Variants in AMN observed in about 807,000 individuals in gnomAD.
AMN encodes amnion associated transmembrane protein, also known as protein amnionless.
Under a neutral mutation model 49.1 loss-of-function variants are expected in AMN, and 40 were observed. The ratio of observed to expected loss-of-function variants is 0.81; its 90% confidence interval spans 0.63 to 1.06. The LOEUF (loss-of-function observed/expected upper bound fraction) is 1.06. Among genes scored for constraint, AMN ranks in the 50% least tolerant of loss-of-function variants. The pLI is 0.00. For synonymous variants in AMN, 380 were observed against 313.3 expected (o/e 1.21, Z -2.25); for missense variants, 701 against 662.8 (o/e 1.06, Z -0.63).
Position 102,930,049 on chromosome 14 carries a change from G to A in AMN, c.969G>A (p.Arg323=), listed in dbSNP as rs899760936. ...GGCCCGAGACAGGCGGAGCGGGGCG[G>A]CTGGCCCGGGCCCTCCTGGCGGACG... is the stretch of plus-strand genomic sequence containing the variant. ...ENGPETGGAG[R]LARALLADVA... Residue 323 remains arginine (R), a synonymous_variant, in exon 9 of 12, where the codon CGG becomes CGA. Transcript: ENST00000299155. 9 of 1,546,832 alleles carry A rather than the reference G, an allele frequency of 5.8e-6. No homozygotes were observed. In the Admixed American group the frequency reaches 7.8e-5, roughly 13 times the overall value.
intron 3 of AMN, among the ~76,000 whole-genome samples, chr14:102,927,224 C>T (rs1891207975): frequency 6.6e-6 from 1 of 152,074 alleles, no homozygotes; most frequent in Non-Finnish European, 1.5e-5. Flanking sequence ...AAATGTTGCC[C>T]TATATTTAAA....
chr14:102,930,747 C>T lies in AMN; in HGVS notation c.*67C>T. 6.7e-7 allele frequency: 1 copy of T among 1,483,082 alleles called. No homozygotes were observed. 91.9% of individuals were successfully genotyped at this position (1,483,082 alleles called of 1,614,324 possible). ...TGGCCCCAGTCGAACTGGGGGCTAG[C>T]CACCTCCTCGTCCAGCCCCCAAACC... On this transcript the variant is annotated 3_prime_UTR_variant, in exon 12 of 12. Transcript: ENST00000299155.
Position 102,930,681 on chromosome 14 carries a change from G to GCGGC in AMN, c.*4_*7dup. On this transcript the variant is annotated 3_prime_UTR_variant, in exon 12 of 12. Transcript: ENST00000299155. ...CGCCGGGGCCGAGGCCGAGGCCTGAGCGGCCGCCTGACCGTCGACCTTGGG... is the reference window on the plus strand; with the variant it reads ...CGCCGGGGCCGAGGCCGAGGCCTGAGCGGCCGGCCGCCTGACCGTCGACCTTGGG... 1.3e-6 allele frequency: 2 copies of GCGGC among 1,578,746 alleles called. No individual in the cohort carries two copies. Among genetic ancestry groups the GCGGC allele is most frequent in the Middle Eastern group, 3.7e-4 (2 of 5,442 alleles).
Position 102,930,023 on chromosome 14 carries a change from G to A in AMN, c.943G>A (p.Gly315Arg). The change falls in exon 9 of 12, where the codon GGG becomes AGG. Residue 315 changes from glycine (G) to arginine (R), a missense_variant. Gly to Arg is a moderately radical substitution (Grantham distance 125). Coordinates refer to ENST00000299155, the MANE Select transcript of AMN (RefSeq NM_030943.4). ...GATCCAGGTGGTGCTGGTGGAGAATGGGCCCGAGACAGGCGGAGCGGGGCG... is the reference window on the plus strand; with the variant it reads ...GATCCAGGTGGTGCTGGTGGAGAATAGGCCCGAGACAGGCGGAGCGGGGCG... ...TEIQVVLVEN[G>R]PETGGAGRLA... 1.9e-6 allele frequency: 3 copies of A among 1,555,344 alleles called. No homozygotes were observed. Among genetic ancestry groups the A allele is most frequent in the Non-Finnish European group, 2.6e-6 (3 of 1,150,508 alleles).
Position 102,928,954 on chromosome 14 carries a change from C to T in AMN, c.492C>T (p.Arg164=). ...LGPGASPVRV[R]SISALGRTFT... is the part of the protein sequence containing the mutation. ...CTGGCGCTAGCCCCGTGCGTGTCCGCAGCATCTCGGCTCTGGGCCGGGTGA... is the reference window on the plus strand; with the variant it reads ...CTGGCGCTAGCCCCGTGCGTGTCCGTAGCATCTCGGCTCTGGGCCGGGTGA... Residue 164 remains arginine (R), a synonymous_variant, in exon 5 of 12, where the codon CGC becomes CGT. Coordinates refer to ENST00000299155, the MANE Select transcript of AMN (RefSeq NM_030943.4). 1.3e-6 allele frequency: 2 copies of T among 1,599,622 alleles called. No homozygotes were observed. The highest frequency in any genetic ancestry group is 1.1e-5 in the South Asian group (1 of 91,028).
rs752407777 is a variant in AMN at position 102,930,660 on chromosome 14, G to A, written c.1342G>A (p.Gly448Arg). The change falls in exon 12 of 12, where the codon GGG becomes AGG. Residue 448 changes from glycine (G) to arginine (R), a missense_variant. Gly to Arg is a moderately radical substitution (Grantham distance 125, BLOSUM62 -2). Coordinates refer to ENST00000299155, the MANE Select transcript of AMN (RefSeq NM_030943.4). ...HSYFVNPLFA[G>R]AEAEA Reference sequence around the variant, plus strand: ...TTACTTCGTCAACCCTCTGTTCGCCGGGGCCGAGGCCGAGGCCTGAGCGGC... The same window carrying A: ...TTACTTCGTCAACCCTCTGTTCGCCAGGGCCGAGGCCGAGGCCTGAGCGGC... The A allele has an allele frequency of 3.1e-6, 5 of 1,594,912 alleles. No individual in the cohort carries two copies. In the South Asian group the frequency reaches 4.5e-5, roughly 14 times the overall value.
intron 1 of AMN, 167 bp from the exon 2 acceptor site, chr14:102,923,544 A>C: frequency 1.5e-6 from 1 of 682,236 alleles, no homozygotes; most frequent in Non-Finnish European, 2.6e-6. Context: ...GGGCGCCCAC[A>C]GTCTGGCCGG....
In AMN at chr14:102,930,805, G is replaced by A; in HGVS notation, c.*125G>A. On this transcript the variant is annotated 3_prime_UTR_variant, in exon 12 of 12. Transcript: ENST00000299155. The stretch of plus-strand genomic sequence containing the variant: ...CCTTTCCCCCTCCTCCGGGGGCCAA[G>A]GACAGGGTGGCCTTACTCAGTAAAG... 1.8e-6 allele frequency: 2 copies of A among 1,114,762 alleles called. No individual in the cohort carries two copies. Among genetic ancestry groups the A allele is most frequent in the East Asian group, 5.1e-5 (2 of 38,842 alleles). 69.1% of individuals were successfully genotyped at this position (1,114,762 alleles called of 1,614,324 possible).
At position 102,928,883 on chromosome 14, in the gene AMN, G is replaced by A. The variant is rs1306910015; in HGVS notation, c.421G>A (p.Asp141Asn). 9 of 1,604,012 alleles carry A rather than the reference G, an allele frequency of 5.6e-6. No homozygotes were observed. The highest frequency in any genetic ancestry group is 2.2e-5 in the East Asian group (1 of 44,874). ...CGAGCGCGTGCCCTGCCGCCACGAC[G>A]ACGTCTTCTTTCCGCCTAGTGCCTC... ...DAERVPCRHD[D>N]VFFPPSASFR... The change falls in exon 5 of 12, where the codon GAC becomes AAC. Residue 141 changes from aspartate to asparagine, a missense_variant. By Grantham distance (23) the Asp-to-Asn change is conservative (BLOSUM62 1). Transcript: ENST00000299155.
chr14:102,925,787 C>T (rs1891173673), intron 3 of AMN, among the ~76,000 whole-genome samples: 1 of 152,156 alleles, frequency 6.6e-6, no homozygotes, highest in Non-Finnish European at 1.5e-5. Context: ...GGACAGTGGC[C>T]CCAGGGTCCC....
In AMN at chr14:102,929,167, C is replaced by A. The variant is rs1891267755; in HGVS notation, c.560C>A (p.Ala187Glu). 3.1e-6 allele frequency: 5 copies of A among 1,595,970 alleles called. No individual in the cohort carries two copies. Among genetic ancestry groups the A allele is most frequent in the Non-Finnish European group, 4.2e-6 (5 of 1,178,972 alleles). The change falls in exon 6 of 12, where the codon GCG becomes GAG. Residue 187 changes from alanine (A) to glutamate (E), a missense_variant. Physicochemically the swap from Ala to Glu is moderately radical, Grantham distance 107. Transcript: ENST00000299155. ...CTGGCTGTTTTCCTGGCGTCCCGCG[C>A]GGGCCGCCTACGCTTCCACGGGCCG... is the stretch of plus-strand genomic sequence containing the variant. ...EDLAVFLASRAGRLRFHGPGA... is the reference protein window; with the variant it reads ...EDLAVFLASREGRLRFHGPGA...
chr14:102,923,524 C>G, intron 1 of AMN, 187 bp from the exon 2 acceptor site: 3 of 629,036 alleles, frequency 4.8e-6, no homozygotes, highest in Non-Finnish European at 8.5e-6. Context: ...CGTTGGAGAG[C>G]GCCCGGGCAG....
chr14:102,928,682 CGCGTGGCGTG>C (rs554429778), intron 4 of AMN, 66 bp from the exon 5 acceptor site: 137 of 1,536,344 alleles, frequency 8.9e-5, no homozygotes, highest in Admixed American at 1.7e-4. Context: ...CGTGCTCAGA[CGCGTGGCGTG>C]GCGTGGCGTG....
intron 1 of AMN, 21 bp downstream of exon 1, chr14:102,922,752 T>G (rs1225015212): frequency 3.2e-6 from 5 of 1,573,832 alleles, no homozygotes; most frequent in Non-Finnish European, 4.3e-6. Flanking sequence ...ACCACACCGG[T>G]GCGGGCCCGG....
chr14:102,926,119 A>G (rs1466019746), intron 3 of AMN, among the ~76,000 whole-genome samples: 1 of 152,198 alleles, frequency 6.6e-6, no homozygotes, highest in Non-Finnish European at 1.5e-5. Flanking sequence ...ACTTGCCTGC[A>G]GTGTCCTGTG....
At position 102,929,734 on chromosome 14, in the gene AMN, T is replaced by G. The variant is rs1268039210; in HGVS notation, c.840T>G (p.Gly280=). The change falls in exon 8 of 12, where the codon GGT becomes GGG. Residue 280 remains glycine, a synonymous_variant. Coordinates refer to ENST00000299155, the MANE Select transcript of AMN (RefSeq NM_030943.4). ...CGCGGATACTGGACACCTTCCTGGG[T>G]CTGGTAATGGGGCCGCGCGGGCAGC... ...YRARILDTFL[G]LPQYHGLQVA... The G allele has an allele frequency of 7.1e-6, 11 of 1,550,120 alleles. No individual in the cohort carries two copies. Among genetic ancestry groups the G allele is most frequent in the Non-Finnish European group, 9.6e-6 (11 of 1,147,274 alleles).
chr14:102,923,845 G>T lies in AMN; in HGVS notation c.162+16G>T, dbSNP rs1249525536. The T allele has an allele frequency of 6.2e-7, 1 of 1,612,546 alleles. No individual in the cohort carries two copies. The highest frequency in any genetic ancestry group is 8.5e-7 in the Non-Finnish European group (1 of 1,179,752). On this transcript the variant is annotated intron_variant, in intron 2 of 11. Coordinates refer to ENST00000299155, the MANE Select transcript of AMN (RefSeq NM_030943.4). The stretch of plus-strand genomic sequence containing the variant: ...GGCGGACAAGGTGCCTGGGAGCGCC[G>T]GCGGGGTCGGTGATGGGCCTGGACC...
chr14:102,930,665 CGAGG>C lies in AMN; in HGVS notation c.1348_1351del (p.Glu450ProfsTer53), dbSNP rs1566829843. 1 of 1,591,198 alleles carries C rather than the reference CGAGG, an allele frequency of 6.3e-7. No homozygotes were observed. Among genetic ancestry groups the C allele is most frequent in the South Asian group, 1.1e-5 (1 of 87,752 alleles). On this transcript the variant is annotated frameshift_variant, in exon 12 of 12. Transcript: ENST00000299155. LOFTEE classifies it high-confidence loss of function. ...TCGTCAACCCTCTGTTCGCCGGGGC[CGAGG>C]CCGAGGCCTGAGCGGCCGCCTGACC...
Position 102,929,204 on chromosome 14 carries a change from C to A in AMN, c.597C>A (p.Ser199Arg). The change falls in exon 6 of 12, where the codon AGC becomes AGA. Residue 199 changes from serine (S) to arginine (R), a missense_variant. Physicochemically the swap from Ser to Arg is moderately radical, Grantham distance 110. Coordinates refer to ENST00000299155, the MANE Select transcript of AMN (RefSeq NM_030943.4). ...GCTTCCACGGGCCGGGCGCGCTGAG[C>A]GTGGGCCCCGAGGACTGCGCGGACC... ...RLRFHGPGAL[S>R]VGPEDCADPS... The A allele has an allele frequency of 6.3e-7, 1 of 1,583,798 alleles. No homozygotes were observed. The highest frequency in any genetic ancestry group is 8.5e-7 in the Non-Finnish European group (1 of 1,172,944).
Sources: gnomAD v4.1 joint callset for allele counts (sites outside exome capture counted in the v4.1 genomes callset) on GRCh38, gnomAD v4.1.1 for gene constraint, MANE v1.5 for transcripts, NCBI Gene and HGNC (gene_info 2026-07-23, HGNC 2026-07-21) for gene names.